The following DRICH1 variants were observed in gnomAD, a reference collection of about 807,000 sequenced individuals.
DRICH1 encodes aspartate-rich protein 1.
In DRICH1, 38 loss-of-function variants were observed where a neutral mutation model predicts 39.5. That is an observed-to-expected ratio of 0.96 (90% CI 0.74 to 1.26). The LOEUF is 1.26. DRICH1 is among the 50% of genes most tolerant of loss of function. The pLI is 0.00. For synonymous variants in DRICH1, 84 were observed against 99.5 expected, an observed-to-expected ratio of 0.84 and a Z score of 0.93; for missense variants, 279 against 270.4, an observed-to-expected ratio of 1.03 and a Z score of -0.22.
chr22:23,589,753 G>T, the DRICH1 span, among the ~76,000 whole-genome samples: 1 of 152,078 alleles, frequency 6.6e-6, no homozygotes, highest in Non-Finnish European at 1.5e-5. Flanking sequence ...ACTACCCACT[G>T]GGTAGTCTCT....
At chr22:23,621,340 G>T (rs1927716213) in intron 4 of DRICH1, among the ~76,000 whole-genome samples, 2 of 151,844 alleles carry the variant, frequency 1.3e-5, no homozygotes, top group Non-Finnish European at 2.9e-5. Context: ...TTAGGTCATA[G>T]GTCAAATACT....
chr22:23,609,099 G>C (rs1343571185), intron 11 of DRICH1, among the ~76,000 whole-genome samples: 1 of 152,170 alleles, frequency 6.6e-6, no homozygotes, highest in Admixed American at 6.5e-5. Context: ...GCCTGGAAGA[G>C]GCAACTGGTC....
At chr22:23,619,443 G>C (rs775792135) in intron 5 of DRICH1, 50 bp from the exon 6 acceptor site, 1 of 775,844 alleles carries the variant, frequency 1.3e-6, no homozygotes, top group African/African-American at 1.7e-5. Context: ...ATCTCTATGT[G>C]CCTCAAATAA....
downstream of DRICH1, among the ~76,000 whole-genome samples, chr22:23,603,516 C>A (rs1414609547): frequency 6.7e-6 from 1 of 149,394 alleles, no homozygotes; most frequent in Non-Finnish European, 1.5e-5. Context: ...TCCAGAGACT[C>A]CTCCTGGATC....
the DRICH1 span, among the ~76,000 whole-genome samples, chr22:23,592,811 G>T: frequency 6.7e-6 from 1 of 149,884 alleles, no homozygotes; most frequent in Admixed American, 6.7e-5. Flanking sequence ...GGCCAACATG[G>T]TGAAACCCTG....
the DRICH1 span, among the ~76,000 whole-genome samples, chr22:23,596,429 T>C: frequency 6.7e-6 from 1 of 149,330 alleles, no homozygotes; most frequent in Non-Finnish European, 1.5e-5. Flanking sequence ...TTTATTTTTA[T>C]TTTTATTTGT....
At chr22:23,624,729 T>TTCTACATCC (rs1323895482) in intron 3 of DRICH1, among the ~76,000 whole-genome samples, 154 bp downstream of exon 3, 2 of 152,296 alleles carry the variant, frequency 1.3e-5, no homozygotes, top group Non-Finnish European at 1.5e-5. Context: ...TCACACACAT[T>TTCTACATCC]TCTACATCCT....
At chr22:23,632,326 G>A, upstream of DRICH1, 1 of 419,884 alleles carries the variant, frequency 2.4e-6, no homozygotes, top group Non-Finnish European at 4.4e-6. Flanking sequence ...CTGACTGAGG[G>A]CTGCTGGCCC....
At chr22:23,583,391 T>C in the DRICH1 span, 1 of 152,168 alleles carries the variant, frequency 6.6e-6, no homozygotes, top group African/African-American at 2.4e-5. Context: ...TGTGAGGCTC[T>C]CCCCAGCTTC....
chr22:23,627,278 G>A (rs1928125338), intron 1 of DRICH1, among the ~76,000 whole-genome samples: 1 of 151,960 alleles, frequency 6.6e-6, no homozygotes, highest in South Asian at 2.1e-4. Context: ...TCACCATGTT[G>A]GCCAGGCTGG....
intron 3 of DRICH1, among the ~76,000 whole-genome samples, chr22:23,624,510 TTG>T (rs1285744710): frequency 6.6e-6 from 1 of 152,168 alleles, no homozygotes; most frequent in Non-Finnish European, 1.5e-5. Flanking sequence ...ATGAAGGTTC[TTG>T]TAAATGCTGT....
chr22:23,627,068 A>ATTT (rs141545226), intron 1 of DRICH1, among the ~76,000 whole-genome samples: 8 of 127,354 alleles, frequency 6.3e-5, no homozygotes, highest in African/African-American at 9.5e-5. Context: ...TGAGGTTCTG[A>ATTT]TTTTTTTTTT....
rs575992494 is a variant in DRICH1 at position 23,629,410 on chromosome 22, C to T, written c.208+2406G>A. ...GGCTGCTCATGCTCACACCAGCCCC[C>T]AACAGTGGGACAGTCCATCATGGGG... On this transcript the variant is annotated intron_variant, in intron 1 of 11. Coordinates refer to ENST00000317749, the MANE Select transcript of DRICH1 (RefSeq NM_016449.4). Among the ~76,000 whole-genome samples, 518 of 152,238 alleles carry T rather than the reference C, an allele frequency of 3.4e-3. 5 individuals carry two copies. The highest frequency in any genetic ancestry group is 0.013 in the South Asian group (62 of 4,826).
intron 9 of DRICH1, 116 bp downstream of exon 9, chr22:23,614,019 A>G: frequency 1.4e-6 from 1 of 715,100 alleles, no homozygotes; most frequent in South Asian, 1.8e-5. Context: ...CCACAAAGAG[A>G]ATAGTGTACA....
rs9624230 is a variant in DRICH1, at chr22:23,610,440, C to A, written c.686-1672G>T. ...CGCTAAGCTGCAGGGCTACCTCCCC[C>A]TCCAGGATGCTTTTCACATCTTCCA... is the stretch of plus-strand genomic sequence containing the variant. On this transcript the variant is annotated intron_variant, in intron 11 of 11. Transcript: ENST00000317749. 95 of 152,204 alleles carry A rather than the reference C, an allele frequency of 6.2e-4. 1 individual carries two copies. The highest frequency in any genetic ancestry group is 2.2e-3 in the African/African-American group (91 of 41,506). The allele number at this position is 152,204 out of a possible 1,614,324, so 9.4% of individuals were successfully genotyped here. A position where few individuals can be genotyped will look rare whatever the true frequency, so the allele number is the denominator to read the frequency against.
At position 23,608,675 on chromosome 22, in the gene DRICH1, T is replaced by G. The variant is rs1926866790; in HGVS notation, c.*89A>C. The G allele has an allele frequency of 7.7e-7, 1 of 1,296,594 alleles. No individual in the cohort carries two copies. The allele number at this position is 1,296,594 out of a possible 1,614,324, so 80.3% of individuals were successfully genotyped here. ...GTTTTCCTCAGAATGTAGAGAGGAT[T>G]GAGACCTCCAGGGGCAAAGCTGGGG... is the stretch of plus-strand genomic sequence containing the variant. On this transcript the variant is annotated 3_prime_UTR_variant, in exon 12 of 12. Transcript: ENST00000317749.
At chr22:23,595,737 T>TG in the DRICH1 span, among the ~76,000 whole-genome samples, 1 of 152,102 alleles carries the variant, frequency 6.6e-6, no homozygotes, top group Non-Finnish European at 1.5e-5. Flanking sequence ...TGAGTGGCCT[T>TG]GGCCAGACTT....
chr22:23,631,148 G>A (rs1456858155), intron 1 of DRICH1, among the ~76,000 whole-genome samples: 1 of 152,088 alleles, frequency 6.6e-6, no homozygotes, highest in East Asian at 1.9e-4. Context: ...AGCCGGGCGC[G>A]ATGCCTCATG....
the DRICH1 span, among the ~76,000 whole-genome samples, chr22:23,585,766 C>T: frequency 3.9e-5 from 6 of 152,294 alleles, 1 homozygote; most frequent in Admixed American, 3.9e-4. Context: ...ATGATCCTCT[C>T]GCTTTGGCCT....
Sources: allele counts gnomAD v4.1 joint callset (sites outside exome capture counted in the v4.1 genomes callset), GRCh38; gene constraint gnomAD v4.1.1; transcripts MANE v1.5; gene names NCBI Gene and HGNC (gene_info 2026-07-23, HGNC 2026-07-21).